The following CFAP298 variants were observed in gnomAD, a reference collection of about 807,000 sequenced individuals.
CFAP298 encodes cilia- and flagella-associated protein 298.
A neutral mutation model predicts 41.0 loss-of-function variants in CFAP298; 38 were observed. The ratio of observed to expected loss-of-function variants is 0.93; its 90% CI spans 0.72 to 1.22. The LOEUF is 1.22. Among genes scored for constraint, CFAP298 ranks in the 50% most tolerant of loss-of-function variants. The probability of loss-of-function intolerance (pLI) is 0.00; values close to 1 mark genes in which losing one functional copy is unlikely to be tolerated. For missense variants in CFAP298, 348 were observed against 360.3 expected, an observed-to-expected ratio of 0.97 and a Z score of 0.28; for synonymous variants, 137 against 135.3, an observed-to-expected ratio of 1.01 and a Z score of -0.09.
intron 5 of CFAP298, chr21:32,602,884 T>C (rs1434260627): frequency 1.0e-5 from 14 of 1,361,856 alleles, no homozygotes; most frequent in Middle Eastern, 5.3e-4. Flanking sequence ...AAGGAACATA[T>C]CTGTTTACTT....
chr21:32,602,909 A>T (rs1006713793), intron 5 of CFAP298: 1 of 1,260,636 alleles, frequency 7.9e-7, no homozygotes. Context: ...CCCTATTTTT[A>T]CGCTTGAAAT....
chr21:32,602,075 C>T lies in CFAP298; in HGVS notation c.763-102G>A, dbSNP rs2038753920. On this transcript the variant is annotated intron_variant, in intron 6 of 6. Coordinates refer to ENST00000290155, the MANE Select transcript of CFAP298 (RefSeq NM_021254.4). ...CATGACTGACCTCCCCCTCTCCCTG[C>T]CCTCTAGGAGCAGGATACTGCCATG... 7.9e-6 allele frequency: 7 copies of T among 890,208 alleles called. No individual in the cohort carries two copies. In the South Asian group the frequency reaches 9.6e-5, roughly 12 times the overall value. The allele number at this position is 890,208 out of a possible 1,614,324, so 55.1% of individuals were successfully genotyped here. A position where few individuals can be genotyped will look rare whatever the true frequency, so the allele number is the denominator to read the frequency against.
rs368659230 is a variant in CFAP298, at chr21:32,603,146, G to C, written c.666+15C>G. ...TAACAAAAACTACTGACACATTAAAGCAAAAAGTACTTACTTGCTGAATCT... is the reference window on the plus strand; with the variant it reads ...TAACAAAAACTACTGACACATTAAACCAAAAAGTACTTACTTGCTGAATCT... On this transcript the variant is annotated intron_variant, in intron 5 of 6. Transcript: ENST00000290155. The C allele has an allele frequency of 6.2e-7, 1 of 1,613,962 alleles. No individual in the cohort carries two copies. The highest frequency in any genetic ancestry group is 1.3e-5 in the African/African-American group (1 of 74,918).
Position 32,612,163 on chromosome 21 carries a change from G to C in CFAP298, c.81C>G (p.Leu27=). 1.9e-6 allele frequency: 3 copies of C among 1,595,006 alleles called. No homozygotes were observed. Among genetic ancestry groups the C allele is most frequent in the Non-Finnish European group, 2.6e-6 (3 of 1,171,482 alleles). The change falls in exon 1 of 7, where the codon CTC becomes CTG. Residue 27 remains leucine, a synonymous_variant. Transcript: ENST00000290155. ...QAPGSTELEE[L]TVQVARVYNG... Reference sequence around the variant, plus strand: ...TATAGACCCGGGCCACCTGCACCGTGAGCTCCTCCAGCTCGGTACTCCCAG... The same window carrying C: ...TATAGACCCGGGCCACCTGCACCGTCAGCTCCTCCAGCTCGGTACTCCCAG...
chr21:32,605,906 C>T (rs757940246), intron 3 of CFAP298, among the ~76,000 whole-genome samples: 40 of 152,110 alleles, frequency 2.6e-4, no homozygotes, highest in Non-Finnish European at 4.4e-4. Flanking sequence ...CCCCAGTGGG[C>T]ATCAGAATGC....
chr21:32,608,185 CT>C (rs775034339), intron 2 of CFAP298, among the ~76,000 whole-genome samples: 1 of 139,254 alleles, frequency 7.2e-6, no homozygotes. Context: ...TTGGTGACCC[CT>C]AGATCAGGAA....
Position 32,601,744 on chromosome 21 carries a change from C to A in CFAP298, c.*119G>T. On this transcript the variant is annotated 3_prime_UTR_variant, in exon 7 of 7. Coordinates refer to ENST00000290155, the MANE Select transcript of CFAP298 (RefSeq NM_021254.4). ...TTTAAAAATTCACACTAAAAGAAAACTAGAAATGTTAACATCTTTTACAGA... is the reference window on the plus strand; with the variant it reads ...TTTAAAAATTCACACTAAAAGAAAAATAGAAATGTTAACATCTTTTACAGA... 3.4e-6 allele frequency: 2 copies of A among 584,796 alleles called. No individual in the cohort carries two copies. Among genetic ancestry groups the A allele is most frequent in the South Asian group, 2.4e-5 (1 of 41,874 alleles). 36.2% of individuals were successfully genotyped at this position (584,796 alleles called of 1,614,324 possible).
chr21:32,612,268 C>G lies in CFAP298; in HGVS notation c.-25G>C. ...TGGCGGTCCCGCCGAGGTACTGAGG[C>G]GTTGAGAAGGCCCCGGCTGCGTGGC... On this transcript the variant is annotated 5_prime_UTR_variant, in exon 1 of 7. Coordinates refer to ENST00000290155, the MANE Select transcript of CFAP298 (RefSeq NM_021254.4). 1 of 1,457,142 alleles carries G rather than the reference C, an allele frequency of 6.9e-7. No individual in the cohort carries two copies. Among genetic ancestry groups the G allele is most frequent in the East Asian group, 2.4e-5 (1 of 41,068 alleles). The allele number at this position is 1,457,142 out of a possible 1,614,324, so 90.3% of individuals were successfully genotyped here.
In CFAP298 at chr21:32,601,880, TTA is replaced by T. The variant is rs1165745783; in HGVS notation, c.854_855del (p.Ile285LysfsTer11). 30 of 1,607,592 alleles carry T rather than the reference TTA, an allele frequency of 1.9e-5. No homozygotes were observed. Among genetic ancestry groups the T allele is most frequent in the Admixed American group, 6.7e-5 (4 of 59,986 alleles). On this transcript the variant is annotated frameshift_variant, in exon 7 of 7. Coordinates refer to ENST00000290155, the MANE Select transcript of CFAP298 (RefSeq NM_021254.4). LOFTEE classifies it high-confidence loss of function. ...GGTGAACTTCATCTTGGTCTCCACT[TTA>T]TGTCTTTCACTCCATGAAAATGTCT... is the stretch of plus-strand genomic sequence containing the variant. Reference protein sequence around the residue: ...LKRHFHGVKDIKWRPR With the variant: ...LKRHFHGVKDXKWRPR
At chr21:32,612,056 C>T (rs2039012670) in intron 1 of CFAP298, 49 bp downstream of exon 1, 2 of 1,488,174 alleles carry the variant, frequency 1.3e-6, no homozygotes, top group African/African-American at 1.4e-5. Flanking sequence ...TTCTCCATCC[C>T]ACGCCGGTCT....
chr21:32,610,787 CAA>C (rs2038971383), intron 1 of CFAP298, among the ~76,000 whole-genome samples: 1 of 152,056 alleles, frequency 6.6e-6, no homozygotes, highest in Non-Finnish European at 1.5e-5. Context: ...ATAATGTAAT[CAA>C]TACATTTCAT....
At position 32,600,924 on chromosome 21, in the gene CFAP298, G is replaced by A. The variant is rs1214889119; in HGVS notation, c.*939C>T. ...AGTTTGCTACTCAACCTTCATCATGGTTGTAGCTTTCGCTCCCAGAATACA... is the reference window on the plus strand; with the variant it reads ...AGTTTGCTACTCAACCTTCATCATGATTGTAGCTTTCGCTCCCAGAATACA... On this transcript the variant is annotated 3_prime_UTR_variant, in exon 7 of 7. Transcript: ENST00000290155. Among the ~76,000 whole-genome samples, 1 of 152,242 alleles carries A rather than the reference G, an allele frequency of 6.6e-6. No homozygotes were observed. Among genetic ancestry groups the A allele is most frequent in the African/African-American group, 2.4e-5 (1 of 41,466 alleles).
In CFAP298 at chr21:32,601,288, C is replaced by CTTTTTT. The variant is rs1158009254; in HGVS notation, c.*569_*574dup. Among the ~76,000 whole-genome samples, 23 of 92,284 alleles carry CTTTTTT rather than the reference C, an allele frequency of 2.5e-4. No individual in the cohort carries two copies. Among genetic ancestry groups the CTTTTTT allele is most frequent in the African/African-American group, 7.3e-4 (16 of 22,026 alleles). The allele number at this position is 92,284 out of a possible 152,430, so 60.5% of individuals were successfully genotyped here. ...CAATCAGGAAGAAAAAAAAGTGTAG[C>CTTTTTT]TTTTTTTTTTTTTTTTTTTTTTTTT... On this transcript the variant is annotated 3_prime_UTR_variant, in exon 7 of 7. Transcript: ENST00000290155.
Position 32,601,205 on chromosome 21 carries a change from T to C in CFAP298, c.*658A>G, listed in dbSNP as rs1453686324. Among the ~76,000 whole-genome samples, 3 of 150,746 alleles carry C rather than the reference T, an allele frequency of 2.0e-5. No individual in the cohort carries two copies. The highest frequency in any genetic ancestry group is 2.1e-4 in the South Asian group (1 of 4,778). ...CCTGGCGGCATCTAGTGGTCACTAG[T>C]GGTCACTGCCAGTCATCAGCTTTCC... is the stretch of plus-strand genomic sequence containing the variant. On this transcript the variant is annotated 3_prime_UTR_variant, in exon 7 of 7. Transcript: ENST00000290155.
rs765126863 is a variant in CFAP298, at chr21:32,610,002, A to AT, written c.142dup (p.Met48AsnfsTer14). The AT allele has an allele frequency of 3.1e-6, 5 of 1,613,070 alleles. No homozygotes were observed. Among genetic ancestry groups the AT allele is most frequent in the Non-Finnish European group, 4.2e-6 (5 of 1,179,326 alleles). The stretch of plus-strand genomic sequence containing the variant: ...TATGCCATGTTCGGCTAATTCTTCC[A>AT]TTTCTTAAAAATAAGTGAAAGACAG... On this transcript the variant is annotated frameshift_variant, in exon 2 of 7. Coordinates refer to ENST00000290155, the MANE Select transcript of CFAP298 (RefSeq NM_021254.4). LOFTEE classifies it high-confidence loss of function.
chr21:32,599,560 G>A lies in CFAP298; in HGVS notation c.*2303C>T, dbSNP rs913314017. 2.6e-5 allele frequency among the ~76,000 whole-genome samples: 4 copies of A among 152,194 alleles called. No individual in the cohort carries two copies. The highest frequency in any genetic ancestry group is 5.9e-5 in the Non-Finnish European group (4 of 68,036). On this transcript the variant is annotated 3_prime_UTR_variant, in exon 7 of 7. Transcript: ENST00000290155. ...AACAACAAGACCACAGACTTAAGCT[G>A]ATCAGTGGTCTAACACTGGCAAGAT... is the stretch of plus-strand genomic sequence containing the variant.
intron 2 of CFAP298, among the ~76,000 whole-genome samples, chr21:32,609,250 A>G (rs1199528753): frequency 1.3e-5 from 2 of 152,346 alleles, no homozygotes; most frequent in Admixed American, 1.3e-4. Context: ...AACAATTATT[A>G]GGTGGAAACA....
chr21:32,599,626 A>C lies in CFAP298; in HGVS notation c.*2237T>G, dbSNP rs1038733871. Among the ~76,000 whole-genome samples the C allele has an allele frequency of 6.6e-5, 10 of 152,194 alleles. No individual in the cohort carries two copies. Among genetic ancestry groups the C allele is most frequent in the African/African-American group, 2.4e-4 (10 of 41,440 alleles). On this transcript the variant is annotated 3_prime_UTR_variant, in exon 7 of 7. Transcript: ENST00000290155. ...ATTGATTTCTTGGGAAATCCTGGGAAAGTTCCTGGACGTGACCCTGTGGTC... is the reference window on the plus strand; with the variant it reads ...ATTGATTTCTTGGGAAATCCTGGGACAGTTCCTGGACGTGACCCTGTGGTC...
At position 32,603,220 on chromosome 21, in the gene CFAP298, T is replaced by TCTTCGTTCTTCTCAGCTC. The variant is rs1158283115; in HGVS notation, c.589_606dup (p.Glu197_Lys202dup). The TCTTCGTTCTTCTCAGCTC allele has an allele frequency of 6.2e-7, 1 of 1,614,082 alleles. No individual in the cohort carries two copies. Among genetic ancestry groups the TCTTCGTTCTTCTCAGCTC allele is most frequent in the Non-Finnish European group, 8.5e-7 (1 of 1,180,034 alleles). ...TTCTTCCCCACGTAGTCTGAAAGCTTCTTCGTTCTTCTCAGCTCCTTGGCT... is the reference window on the plus strand; with the variant it reads ...TTCTTCCCCACGTAGTCTGAAAGCTTCTTCGTTCTTCTCAGCTCCTTCGTTCTTCTCAGCTCCTTGGCT... On this transcript the variant is annotated inframe_insertion, in exon 5 of 7. Transcript: ENST00000290155.
Sources: allele counts gnomAD v4.1 joint callset (sites outside exome capture counted in the v4.1 genomes callset), GRCh38; gene constraint gnomAD v4.1.1; transcripts MANE v1.5; gene names NCBI Gene and HGNC (gene_info 2026-07-23, HGNC 2026-07-21).